The following ANTXR2 variants were observed in gnomAD, a reference collection of about 807,000 sequenced individuals.
The protein encoded by ANTXR2 is ANTXR cell adhesion molecule 2, also known as anthrax toxin receptor 2.
In ANTXR2, 44 loss-of-function variants were observed where a neutral mutation model predicts 73.7. The observed-to-expected ratio is 0.60, with a 90% CI of 0.47 to 0.77. ANTXR2 has a LOEUF of 0.77. Ranked by LOEUF, ANTXR2 falls within the 30% of genes least tolerant of loss-of-function variation. The pLI, the probability that ANTXR2 is intolerant of heterozygous loss-of-function variation, is 0.00. For synonymous variants in ANTXR2, 217 were observed against 205.9 expected, an observed-to-expected ratio of 1.05 and a Z score of -0.46; for missense variants, 604 against 592.5, an observed-to-expected ratio of 1.02 and a Z score of -0.20.
At chr4:79,977,518 A>C (rs1560928066) in intron 16 of ANTXR2, 103 bp downstream of exon 16, 1 of 1,500,914 alleles carries the variant, frequency 6.7e-7, no homozygotes, top group Non-Finnish European at 8.9e-7. Flanking sequence ...TTCCTTCCTC[A>C]AGTGCAATAG....
At chr4:80,051,109 A>G (rs1733753135) in intron 7 of ANTXR2, among the ~76,000 whole-genome samples, 1 of 151,656 alleles carries the variant, frequency 6.6e-6, no homozygotes, top group African/African-American at 2.4e-5. Context: ...AGTCCAGTTC[A>G]AATTTCACAA....
chr4:80,060,752 T>C (rs1368915114), intron 3 of ANTXR2, among the ~76,000 whole-genome samples: 1 of 152,170 alleles, frequency 6.6e-6, no homozygotes, highest in Non-Finnish European at 1.5e-5. Context: ...AAATAGTATA[T>C]ATAGGGTTTG....
chr4:79,919,867 AT>A (rs780168535), intron 16 of ANTXR2, among the ~76,000 whole-genome samples: 99,045 of 117,024 alleles, frequency 0.85, 40,911 homozygotes, highest in East Asian at 0.92. Flanking sequence ...TACATATTTT[AT>A]ATATATATAT....
chr4:79,922,964 A>AT (rs976581085), intron 16 of ANTXR2, among the ~76,000 whole-genome samples: 73 of 150,576 alleles, frequency 4.8e-4, no homozygotes, highest in African/African-American at 1.8e-3. Context: ...CACTTCTAAT[A>AT]TTTTTTAGCA....
At position 79,995,733 on chromosome 4, in the gene ANTXR2, T is replaced by G. The variant is rs79861194; in HGVS notation, c.1042-10870A>C. On this transcript the variant is annotated intron_variant, in intron 12 of 16. Transcript: ENST00000403729. ...AGTTCTTTTCAATAGCATGCCATTATTCTTTTGTGTGAATAATTCATGACT... is the reference window on the plus strand; with the variant it reads ...AGTTCTTTTCAATAGCATGCCATTAGTCTTTTGTGTGAATAATTCATGACT... Among the ~76,000 whole-genome samples the G allele has an allele frequency of 1.4e-3, 220 of 152,120 alleles. 4 individuals carry two copies. The East Asian group carries it at 0.04, about 27-fold the overall frequency.
chr4:80,049,877 G>A (rs548780611), intron 7 of ANTXR2, among the ~76,000 whole-genome samples: 2 of 151,782 alleles, frequency 1.3e-5, no homozygotes, highest in South Asian at 2.1e-4. Context: ...ACATTTGACA[G>A]CTAATATTTG....
chr4:80,065,875 C>T (rs1734472659), intron 3 of ANTXR2, among the ~76,000 whole-genome samples: 1 of 152,142 alleles, frequency 6.6e-6, no homozygotes, highest in African/African-American at 2.4e-5. Flanking sequence ...CTTTGCTTAA[C>T]CTTTGCTTTC....
At chr4:79,984,030 G>T in intron 13 of ANTXR2, 60 bp from the exon 14 acceptor site, 1 of 1,175,278 alleles carries the variant, frequency 8.5e-7, no homozygotes, top group Non-Finnish European at 1.2e-6. Flanking sequence ...TGTTTAGTCG[G>T]AACTGGCTCA....
intron 10 of ANTXR2, among the ~76,000 whole-genome samples, chr4:80,021,878 G>A (rs1419507909): frequency 2.0e-5 from 3 of 152,096 alleles, no homozygotes; most frequent in Non-Finnish European, 2.9e-5. Context: ...AGTAGTAGTA[G>A]CAGCGTGATC....
rs1726813707 is a variant in ANTXR2, at chr4:79,904,018, A to G, written c.*3411T>C. ...CTACTTGTAAATGTGACCTAATTAC[A>G]TTCTGCCTTCTTAAATTTCAAAAAT... is the stretch of plus-strand genomic sequence containing the variant. On this transcript the variant is annotated 3_prime_UTR_variant, in exon 17 of 17. Coordinates refer to ENST00000403729, the MANE Select transcript of ANTXR2 (RefSeq NM_058172.6). 6.6e-6 allele frequency: 1 copy of G among 152,144 alleles called. No individual in the cohort carries two copies. Among genetic ancestry groups the G allele is most frequent in the African/African-American group, 2.4e-5 (1 of 41,454 alleles). 9.4% of individuals were successfully genotyped at this position (152,144 alleles called of 1,614,324 possible). A position where few individuals can be genotyped will look rare whatever the true frequency, so the allele number is the denominator to read the frequency against.
At chr4:79,931,742 C>G (rs1364084077) in intron 16 of ANTXR2, among the ~76,000 whole-genome samples, 1 of 152,132 alleles carries the variant, frequency 6.6e-6, no homozygotes, top group Non-Finnish European at 1.5e-5. Context: ...AATTCTCAAG[C>G]AAATGAGCAT....
intron 3 of ANTXR2, among the ~76,000 whole-genome samples, chr4:80,057,903 A>G (rs1284913160): frequency 1.3e-5 from 2 of 152,086 alleles, no homozygotes; most frequent in Non-Finnish European, 2.9e-5. Context: ...ATATCATAAA[A>G]AAATTATAAT....
intron 3 of ANTXR2, among the ~76,000 whole-genome samples, chr4:80,057,547 C>G (rs540206212): frequency 4.0e-5 from 6 of 151,880 alleles, no homozygotes; most frequent in Non-Finnish European, 8.8e-5. Context: ...CCTTCTCTTT[C>G]CTGGTTCACT....
chr4:80,001,435 G>A (rs187919683), intron 12 of ANTXR2, among the ~76,000 whole-genome samples: 16 of 149,692 alleles, frequency 1.1e-4, no homozygotes, highest in South Asian at 6.3e-4. Context: ...ACCAAACACC[G>A]CAAATATTTT....
At chr4:80,001,927 T>C (rs535753247) in intron 12 of ANTXR2, among the ~76,000 whole-genome samples, 41 of 152,004 alleles carry the variant, frequency 2.7e-4, no homozygotes, top group Middle Eastern at 3.4e-3. Flanking sequence ...TCCTTTTATT[T>C]TGAGCCTATG....
intron 16 of ANTXR2, among the ~76,000 whole-genome samples, chr4:79,956,430 G>A (rs778478693): frequency 2.0e-5 from 3 of 152,130 alleles, no homozygotes; most frequent in East Asian, 1.9e-4. Context: ...ATGGAATAAC[G>A]AGCGTTCACT....
intron 16 of ANTXR2, among the ~76,000 whole-genome samples, chr4:79,958,661 C>A (rs1207047696): frequency 6.6e-6 from 1 of 152,118 alleles, no homozygotes; most frequent in African/African-American, 2.4e-5. Context: ...GGCAAATTTA[C>A]AACCAACAGC....
Position 80,055,376 on chromosome 4 carries a change from G to A in ANTXR2, c.470C>T (p.Ser157Leu). ...AATACTCACCTCTTTCTCTGCATAT[G>A]ATGGCACCAGACCGTCCAACTTGCC... ...TDGKLDGLVP[S>L]YAEKEAKISR... Residue 157 changes from serine (S) to leucine (L), a missense_variant, in exon 5 of 17, where the codon TCA (serine) becomes TTA (leucine). Ser to Leu is a moderately radical substitution (Grantham distance 145). Coordinates refer to ENST00000403729, the MANE Select transcript of ANTXR2 (RefSeq NM_058172.6). The A allele has an allele frequency of 6.2e-7, 1 of 1,610,720 alleles. No individual in the cohort carries two copies. Among genetic ancestry groups the A allele is most frequent in the Non-Finnish European group, 8.5e-7 (1 of 1,178,000 alleles).
intron 10 of ANTXR2, among the ~76,000 whole-genome samples, chr4:80,031,334 A>G (rs1330560193): frequency 1.3e-5 from 2 of 151,942 alleles, no homozygotes; most frequent in Non-Finnish European, 2.9e-5. Context: ...GATTATTTAT[A>G]GATTCTAATA....
Sources: allele counts gnomAD v4.1 joint callset (sites outside exome capture counted in the v4.1 genomes callset), GRCh38; gene constraint gnomAD v4.1.1; transcripts MANE v1.5; gene names NCBI Gene and HGNC (gene_info 2026-07-23, HGNC 2026-07-21).